Variants in ITPR3 observed in about 807,000 individuals in gnomAD.
The protein encoded by ITPR3 is inositol 1,4,5-trisphosphate receptor type 3, also known as inositol 1,4,5-trisphosphate-gated calcium channel ITPR3.
ITPR3 carries 173 observed loss-of-function variants against 293.2 expected under a neutral mutation model. That is an observed-to-expected ratio of 0.59 (90% CI 0.52 to 0.67). The LOEUF is 0.67. Among genes scored for constraint, ITPR3 ranks in the 30% least tolerant of loss-of-function variants. The probability of loss-of-function intolerance (pLI) is 0.00; values close to 1 mark genes in which losing one functional copy is unlikely to be tolerated. For missense variants in ITPR3, 2,796 were observed against 3,592.1 expected (o/e 0.78, Z 5.66); for synonymous variants, 1,295 against 1,444.4 (o/e 0.90, Z 2.35).
rs1582164520 is a variant in ITPR3 at position 33,688,155 on chromosome 6, G to A, written c.6363G>A (p.Thr2121=). 4 of 1,614,110 alleles carry A rather than the reference G, an allele frequency of 2.5e-6. No individual in the cohort carries two copies. The highest frequency in any genetic ancestry group is 3.4e-6 in the Non-Finnish European group (4 of 1,179,986). ...CCCTGGCCTACTATGAGAACCACAC[G>A]TCCCAGATCGAGGTGGGCCTGTGGG... ...EDPLAYYENH[T]SQIEIVRQDR... The change falls in exon 47 of 58, where the codon ACG becomes ACA. Residue 2121 remains threonine (T), a synonymous_variant. Transcript: ENST00000605930.
At chr6:33,648,066 C>CTT (rs35776559) in intron 2 of ITPR3, among the ~76,000 whole-genome samples, 56 of 130,418 alleles carry the variant, frequency 4.3e-4, no homozygotes, top group Admixed American at 7.3e-4. Context: ...ATTTCTTTTT[C>CTT]TTTTTTTTTT....
chr6:33,684,668 T>A lies in ITPR3; in HGVS notation c.5117T>A (p.Leu1706His). Residue 1706 changes from leucine (L) to histidine (H), a missense_variant, in exon 38 of 58, where the codon CTT becomes CAT. By Grantham distance (99) the Leu-to-His change is moderately conservative (BLOSUM62 -3). Coordinates refer to ENST00000605930, the MANE Select transcript of ITPR3 (RefSeq NM_002224.4). The surrounding 1 kb of genome is among the most constrained non-coding windows in gnomAD (Gnocchi z 4.2). Reference sequence around the variant, plus strand: ...CGGAAGTCCACCTCGCGGGGGGACCTTCCCGACCCCATAGGCACTGGTCAG... The same window carrying A: ...CGGAAGTCCACCTCGCGGGGGGACCATCCCGACCCCATAGGCACTGGTCAG... ...QNRKSTSRGD[L>H]PDPIGTGLDP... 6.2e-7 allele frequency: 1 copy of A among 1,614,066 alleles called. No individual in the cohort carries two copies. Among genetic ancestry groups the A allele is most frequent in the South Asian group, 1.1e-5 (1 of 91,078 alleles).
rs1763705347 is a variant in ITPR3 at position 33,632,438 on chromosome 6, T to C, written c.90-8046T>C. Among the ~76,000 whole-genome samples the C allele has an allele frequency of 6.6e-6, 1 of 152,216 alleles. No individual in the cohort carries two copies. Among genetic ancestry groups the C allele is most frequent in the South Asian group, 2.1e-4 (1 of 4,832 alleles). On this transcript the variant is annotated intron_variant, in intron 1 of 57. Coordinates refer to ENST00000605930, the MANE Select transcript of ITPR3 (RefSeq NM_002224.4). The surrounding 1 kb of genome is among the most constrained non-coding windows in gnomAD (Gnocchi z 4.1). The stretch of plus-strand genomic sequence containing the variant: ...CTTTCCAGACAGCACTGACCCACCC[T>C]GCTACCTTTCCCATGGCGCCCACCT...
intron 1 of ITPR3, among the ~76,000 whole-genome samples, chr6:33,623,325 T>TG (rs1763482664): frequency 7.4e-6 from 1 of 135,582 alleles, no homozygotes; most frequent in Non-Finnish European, 1.6e-5. Context: ...CTGTGAGTTT[T>TG]GTTTTTTTTT....
rs1442112255 is a variant in ITPR3 at position 33,662,671 on chromosome 6, G to A, written c.855G>A (p.Val285=). ...CCAGCTCCAATGCTCTCTGGGAGGT[G>A]GAGGTCAGAAAAGCCCTGCTTCTGG... The part of the protein sequence containing the change: ...SATSSNALWE[V]EVVHHDPCRG... Residue 285 remains valine (V), a synonymous_variant, in exon 8 of 58, where the codon GTG becomes GTA. Transcript: ENST00000605930. 2.5e-6 allele frequency: 4 copies of A among 1,606,502 alleles called. No individual in the cohort carries two copies. The East Asian group carries it at 8.9e-5, about 36-fold the overall frequency.
chr6:33,635,580 A>G (rs1427250076), intron 1 of ITPR3, among the ~76,000 whole-genome samples: 1 of 152,226 alleles, frequency 6.6e-6, no homozygotes, highest in Non-Finnish European at 1.5e-5. Context: ...TAGCTAGCCA[A>G]CCAGGTGGTG....
rs1764293817 is a variant in ITPR3, at chr6:33,655,851, G to A, written c.246G>A (p.Glu82=). 1.2e-6 allele frequency: 2 copies of A among 1,613,992 alleles called. No individual in the cohort carries two copies. Among genetic ancestry groups the A allele is most frequent in the Non-Finnish European group, 1.7e-6 (2 of 1,180,028 alleles). ...CCAAGCAGACTAAGCAGGACAAGGA[G>A]AAGATCGCTGATGTGGTGTTGCTGC... The part of the protein sequence containing the change: ...WKAKQTKQDK[E]KIADVVLLQK... The change falls in exon 3 of 58, where the codon GAG becomes GAA. Residue 82 remains glutamate (E), a synonymous_variant. Coordinates refer to ENST00000605930, the MANE Select transcript of ITPR3 (RefSeq NM_002224.4). This position sits in a 1 kb window ranked among gnomAD's most constrained non-coding sequence, Gnocchi z 4.9.
In ITPR3 at chr6:33,666,303, A is replaced by AAAAAATTTTTTTT. The variant is rs1561866436; in HGVS notation, c.1551+331_1551+332insATTTTTTTTAAAA. On this transcript the variant is annotated intron_variant, in intron 14 of 57. Transcript: ENST00000605930. The surrounding 1 kb of genome is among the most constrained non-coding windows in gnomAD (Gnocchi z 5.1). ...GAGCTGTGCTTCAAAAAATTTTTTT[A>AAAAAATTTTTTTT]AAAATTTTTTTATTATGAGAATCAT... is the stretch of plus-strand genomic sequence containing the variant. Among the ~76,000 whole-genome samples the AAAAAATTTTTTTT allele has an allele frequency of 1.4e-5, 2 of 140,140 alleles. No individual in the cohort carries two copies. The highest frequency in any genetic ancestry group is 5.3e-5 in the African/African-American group (2 of 37,874). The allele number at this position is 140,140 out of a possible 152,430, so 91.9% of individuals were successfully genotyped here.
intron 50 of ITPR3, 60 bp downstream of exon 50, chr6:33,689,470 G>A (rs1372987166): frequency 1.9e-6 from 3 of 1,566,302 alleles, no homozygotes; most frequent in African/African-American, 1.3e-5. Context: ...GCATTCAGAC[G>A]GCAAGCTGGC....
intron 1 of ITPR3, 149 bp from the exon 2 acceptor site, chr6:33,640,335 A>C (rs1180216115): frequency 1.4e-6 from 1 of 712,400 alleles, no homozygotes; most frequent in Non-Finnish European, 2.3e-6. Context: ...GGTGCCAGGA[A>C]AGAATGACTT....
Position 33,689,421 on chromosome 6 carries a change from G to T in ITPR3, c.6867+11G>T. The T allele has an allele frequency of 6.2e-7, 1 of 1,606,020 alleles. No individual in the cohort carries two copies. The stretch of plus-strand genomic sequence containing the variant: ...CTGGGTGCCCTCAATGTGAGTGCCA[G>T]AGGGAGCCCCCATTCCCAAACAAGC... On this transcript the variant is annotated intron_variant, in intron 50 of 57. Coordinates refer to ENST00000605930, the MANE Select transcript of ITPR3 (RefSeq NM_002224.4).
Position 33,676,952 on chromosome 6 carries a change from G to A in ITPR3, c.3447+20G>A, listed in dbSNP as rs1764923419. Reference sequence around the variant, plus strand: ...AAAGAGGTAAGTGGGGCTCCAGGGGGCCAGGGCAGGCCTCCCTGTGAGGGC... The same window carrying A: ...AAAGAGGTAAGTGGGGCTCCAGGGGACCAGGGCAGGCCTCCCTGTGAGGGC... On this transcript the variant is annotated intron_variant, in intron 26 of 57. Transcript: ENST00000605930. 6.2e-7 allele frequency: 1 copy of A among 1,613,844 alleles called. No homozygotes were observed. Among genetic ancestry groups the A allele is most frequent in the African/African-American group, 1.3e-5 (1 of 75,046 alleles).
intron 10 of ITPR3, 31 bp downstream of exon 10, chr6:33,663,581 C>T (rs1353605976): frequency 1.2e-6 from 2 of 1,602,542 alleles, no homozygotes; most frequent in East Asian, 2.2e-5. Flanking sequence ...CCAGTGAGAC[C>T]ATGGGCCTGC....
In ITPR3 at chr6:33,693,557, A is replaced by T; in HGVS notation, c.7637A>T (p.Asp2546Val). The T allele has an allele frequency of 6.2e-7, 1 of 1,614,078 alleles. No homozygotes were observed. Among genetic ancestry groups the T allele is most frequent in the Non-Finnish European group, 8.5e-7 (1 of 1,179,976 alleles). Residue 2546 changes from aspartate to valine, a missense_variant, in exon 56 of 58, where the codon GAC becomes GTC. Physicochemically the swap from Asp to Val is radical, Grantham distance 152. Coordinates refer to ENST00000605930, the MANE Select transcript of ITPR3 (RefSeq NM_002224.4). Reference protein sequence around the residue: ...TTCFICGLERDKFDNKTVSFE... With the variant: ...TTCFICGLERVKFDNKTVSFE... The stretch of plus-strand genomic sequence containing the variant: ...TCTGCACCCTCAGGTCTGGAGAGGG[A>T]CAAGTTTGATAACAAGACAGTGTCA...
rs1764882160 is a variant in ITPR3 at position 33,675,550 on chromosome 6, A to G, written c.3117-141A>G. ...CTGTTAAACTGCTGAGAAAGTGTCA[A>G]TATTTTAAACACATTTAGACTGGCC... On this transcript the variant is annotated intron_variant, in intron 24 of 57. Coordinates refer to ENST00000605930, the MANE Select transcript of ITPR3 (RefSeq NM_002224.4). The surrounding 1 kb of genome is among the most constrained non-coding windows in gnomAD (Gnocchi z 5.0). The G allele has an allele frequency of 1.2e-6, 1 of 854,296 alleles. No homozygotes were observed. 52.9% of individuals were successfully genotyped at this position (854,296 alleles called of 1,614,324 possible).
In ITPR3 at chr6:33,668,636, T is replaced by G. The variant is rs1764676837; in HGVS notation, c.2006+2T>G. ...CAGTGACATTCTCATCCGGACCGAG[T>G]GAGCCCTGTGCCCCCTGCCCGCACT... is the stretch of plus-strand genomic sequence containing the variant. On this transcript the variant is annotated splice_donor_variant, in intron 17 of 57. Coordinates refer to ENST00000605930, the MANE Select transcript of ITPR3 (RefSeq NM_002224.4). LOFTEE classifies it high-confidence loss of function. The G allele has an allele frequency of 6.2e-7, 1 of 1,613,994 alleles. No individual in the cohort carries two copies. The highest frequency in any genetic ancestry group is 8.5e-7 in the Non-Finnish European group (1 of 1,180,022).
chr6:33,672,284 C>CGGGTAAGGGGGG lies in ITPR3; in HGVS notation c.2928+61_2928+62insAGGGGGGGGGTA. On this transcript the variant is annotated intron_variant, in intron 22 of 57. Coordinates refer to ENST00000605930, the MANE Select transcript of ITPR3 (RefSeq NM_002224.4). The surrounding 1 kb of genome is among the most constrained non-coding windows in gnomAD (Gnocchi z 5.0). ...TGGGTATAGGGGGAGGGTAATGGGG[C>CGGGTAAGGGGGG]GGGTACAGGGAGGCTGGGCAGGGCG... 1.7e-6 allele frequency: 1 copy of CGGGTAAGGGGGG among 593,908 alleles called. No homozygotes were observed. Among genetic ancestry groups the CGGGTAAGGGGGG allele is most frequent in the Non-Finnish European group, 3.0e-6 (1 of 337,084 alleles). The allele number at this position is 593,908 out of a possible 1,614,324, so 36.8% of individuals were successfully genotyped here. A position where few individuals can be genotyped will look rare whatever the true frequency, so the allele number is the denominator to read the frequency against.
intron 50 of ITPR3, 57 bp from the exon 51 acceptor site, chr6:33,689,977 T>C (rs1187152893): frequency 5.0e-6 from 8 of 1,600,238 alleles, no homozygotes; most frequent in African/African-American, 1.3e-5. Flanking sequence ...GGGACATGCG[T>C]GCAGATTCAG....
At chr6:33,694,800 A>G in intron 56 of ITPR3, 124 bp from the exon 57 acceptor site, 3 of 1,230,002 alleles carry the variant, frequency 2.4e-6, no homozygotes, top group Non-Finnish European at 3.5e-6. Context: ...TTCCCATGAC[A>G]CATCCCTGAC....
Sources: allele counts gnomAD v4.1 joint callset (sites outside exome capture counted in the v4.1 genomes callset), GRCh38; gene constraint gnomAD v4.1.1; non-coding constraint Gnocchi (gnomAD v3.1); transcripts MANE v1.5; gene names NCBI Gene and HGNC (gene_info 2026-07-23, HGNC 2026-07-21).